The following FRMPD4 variants were observed in gnomAD, a reference collection of about 807,000 sequenced individuals.
FRMPD4 encodes FERM and PDZ domain containing 4, also known as FERM and PDZ domain-containing protein 4.
FRMPD4 carries 22 observed loss-of-function variants against 94.1 expected under a neutral mutation model. That is an observed-to-expected ratio of 0.23 (90% CI 0.17 to 0.33). The LOEUF (loss-of-function observed/expected upper bound fraction) is 0.33. FRMPD4 is among the 10% of genes least tolerant of loss of function. The pLI is 1.00. For missense variants in FRMPD4, 1,111 were observed against 1,339.9 expected (o/e 0.83, Z 2.67); for synonymous variants, 631 against 548.6 (o/e 1.15, Z -2.10).
At chrX:12,384,574 T>G (rs1481710731) in intron 1 of FRMPD4, among the ~76,000 whole-genome samples, 4 of 111,414 alleles carry the variant, frequency 3.6e-5, no homozygotes, top group African/African-American at 1.3e-4. Flanking sequence ...GAAGCCTTGG[T>G]AACTGTCTGG....
intron 1 of FRMPD4, among the ~76,000 whole-genome samples, chrX:12,142,115 T>C (rs1475134422): frequency 9.0e-6 from 1 of 111,504 alleles, no homozygotes; most frequent in Non-Finnish European, 1.9e-5. Context: ...ACGGTAGACT[T>C]GATGATAATG....
chrX:12,059,398 C>CT (rs1401297503), intron 3 of FRMPD4, among the ~76,000 whole-genome samples: 3 of 111,309 alleles, frequency 2.7e-5, no homozygotes, highest in African/African-American at 9.8e-5. Flanking sequence ...ATTTGGTGTG[C>CT]TTTTTTATCC....
At chrX:12,253,205 T>C (rs1348912072) in intron 1 of FRMPD4, among the ~76,000 whole-genome samples, 2 of 111,629 alleles carry the variant, frequency 1.8e-5, no homozygotes, top group Non-Finnish European at 1.9e-5. Context: ...AGAACCAACA[T>C]AGGAGGAGGA....
intron 1 of FRMPD4, among the ~76,000 whole-genome samples, chrX:12,452,465 G>T (rs1166562323): frequency 1.8e-5 from 2 of 111,224 alleles, no homozygotes; most frequent in African/African-American, 6.5e-5. Context: ...GCCATAATCA[G>T]CAGAAAACAG....
intron 1 of FRMPD4, 29 bp downstream of exon 1, chrX:12,139,041 C>A: frequency 9.2e-7 from 1 of 1,088,578 alleles, no homozygotes; most frequent in East Asian, 3.4e-5. Context: ...CCGTTTGCAC[C>A]CAGGGCCGCT....
intron 9 of FRMPD4, among the ~76,000 whole-genome samples, chrX:12,696,245 T>C (rs2060127084): frequency 8.9e-6 from 1 of 111,961 alleles, no homozygotes; most frequent in Non-Finnish European, 1.9e-5. Context: ...TTCAACGTGG[T>C]AAAACTTGAA....
chrX:12,161,066 G>A (rs2056017726), intron 1 of FRMPD4, among the ~76,000 whole-genome samples: 1 of 110,962 alleles, frequency 9.0e-6, no homozygotes, highest in African/African-American at 3.3e-5. Flanking sequence ...TCCTTCTGTT[G>A]CTGCTGCTGC....
intron 1 of FRMPD4, among the ~76,000 whole-genome samples, chrX:12,258,119 A>G (rs767293935): frequency 9.1e-5 from 10 of 110,437 alleles, no homozygotes; most frequent in Non-Finnish European, 1.7e-4. Context: ...TTTTAATCCA[A>G]TATGTATATA....
chrX:12,007,930 C>T lies in FRMPD4; in HGVS notation c.95+129912C>T, dbSNP rs370772947. On this transcript the variant is annotated intron_variant, in intron 3 of 18. Transcript: ENST00000640291. ...CTGTCAGTGGGCACAGGATGGACCC[C>T]ATGCCCCCATGAATGCTAGGAGGGT... is the stretch of plus-strand genomic sequence containing the variant. Among the ~76,000 whole-genome samples, 188 of 111,628 alleles carry T rather than the reference C, an allele frequency of 1.7e-3. 4 individuals are homozygous for T. The South Asian group carries it at 0.067, about 40-fold the overall frequency.
At chrX:12,646,269 C>T (rs1358341060) in intron 4 of FRMPD4, among the ~76,000 whole-genome samples, 2 of 111,455 alleles carry the variant, frequency 1.8e-5, no homozygotes, top group Non-Finnish European at 1.9e-5. Flanking sequence ...GACTGTAAGT[C>T]CTATTAATAT....
intron 3 of FRMPD4, among the ~76,000 whole-genome samples, chrX:12,011,780 A>T (rs1360284508): frequency 8.9e-6 from 1 of 112,085 alleles, no homozygotes; most frequent in Non-Finnish European, 1.9e-5. Context: ...TGCTACATAA[A>T]TATAAGACAT....
chrX:12,721,960 AT>A lies in FRMPD4; in HGVS notation c.*106del, dbSNP rs376127724. 71 of 284,049 alleles carry A rather than the reference AT, an allele frequency of 2.5e-4. No individual in the cohort carries two copies. Among genetic ancestry groups the A allele is most frequent in the African/African-American group, 2.0e-3 (67 of 34,137 alleles). The allele number at this position is 284,049 out of a possible 1,213,427, so 23.4% of individuals were successfully genotyped here. ...GATGTCTCCTTTCTTCTCTCTGTAT[AT>A]TTTGTTATTTTATATAAAATAGGAG... On this transcript the variant is annotated 3_prime_UTR_variant, in exon 17 of 17. Coordinates refer to ENST00000675598, the MANE Select transcript of FRMPD4 (RefSeq NM_001368397.1).
chrX:11,935,072 A>ATTTTTTTTT (rs753999126), intron 3 of FRMPD4, among the ~76,000 whole-genome samples: 2 of 40,234 alleles, frequency 5.0e-5, no homozygotes, highest in Non-Finnish European at 8.9e-5. Context: ...ACTATTGGTG[A>ATTTTTTTTT]TTTTTTTTTT....
intron 1 of FRMPD4, among the ~76,000 whole-genome samples, chrX:12,278,271 G>A (rs1214863235): frequency 8.9e-6 from 1 of 111,995 alleles, no homozygotes; most frequent in African/African-American, 3.3e-5. Flanking sequence ...AGGAAGTGCC[G>A]GGGAATGATT....
At chrX:12,589,878 C>T (rs1277783816) in intron 2 of FRMPD4, among the ~76,000 whole-genome samples, 2 of 111,935 alleles carry the variant, frequency 1.8e-5, no homozygotes, top group African/African-American at 3.2e-5. Context: ...CGCAAAGCTC[C>T]GTAGCAGAAA....
chrX:12,377,384 G>A (rs749947903), intron 1 of FRMPD4, among the ~76,000 whole-genome samples: 32 of 112,294 alleles, frequency 2.8e-4, no homozygotes, highest in African/African-American at 2.3e-4. Context: ...GTAGCTACAC[G>A]TTATTATGCT....
chrX:12,170,310 A>C (rs924362462), intron 1 of FRMPD4, among the ~76,000 whole-genome samples: 1 of 110,264 alleles, frequency 9.1e-6, no homozygotes, highest in Non-Finnish European at 1.9e-5. Flanking sequence ...TAACCAACCA[A>C]TTGTGCTACC....
chrX:12,148,435 G>C (rs992395312), intron 1 of FRMPD4, among the ~76,000 whole-genome samples: 2 of 112,547 alleles, frequency 1.8e-5, no homozygotes. Context: ...TGCGAAGGCT[G>C]AGAAAAGTGA....
chrX:11,948,141 G>A (rs2054200113), intron 3 of FRMPD4, among the ~76,000 whole-genome samples: 2 of 104,739 alleles, frequency 1.9e-5, no homozygotes, highest in South Asian at 8.6e-4. Context: ...CTATATAAGA[G>A]AAGGCAATTG....
Sources: gnomAD v4.1 joint callset for allele counts (sites outside exome capture counted in the v4.1 genomes callset) on GRCh38, gnomAD v4.1.1 for gene constraint, MANE v1.5 for transcripts, NCBI Gene and HGNC (gene_info 2026-07-23, HGNC 2026-07-21) for gene names.